Variants in PITPNM1 observed in about 807,000 individuals in gnomAD.
PITPNM1 encodes phosphatidylinositol transfer protein membrane associated 1, also known as membrane-associated phosphatidylinositol transfer protein 1.
Under a neutral mutation model 133.3 loss-of-function variants are expected in PITPNM1, and 74 were observed. The ratio of observed to expected loss-of-function variants is 0.56; its 90% CI spans 0.46 to 0.67. PITPNM1 has a LOEUF of 0.67. Ranked by LOEUF, PITPNM1 falls within the 30% of genes least tolerant of loss-of-function variation. The pLI, the probability that PITPNM1 is intolerant of heterozygous loss-of-function variation, is 0.00. For synonymous variants in PITPNM1, 738 were observed against 741.4 expected (o/e 1.00, Z 0.08); for missense variants, 1,398 against 1,739.5 (o/e 0.80, Z 3.49).
chr11:67,497,216 G>T lies in PITPNM1; in HGVS notation c.2146+15C>A. On this transcript the variant is annotated intron_variant, in intron 14 of 23. Coordinates refer to ENST00000356404, the MANE Select transcript of PITPNM1 (RefSeq NM_004910.3). ...GACAGAGACTAGAGGCGCCCCCGCA[G>T]CCCCTAGGACTCACCCTCCAGGGCG... 6.3e-7 allele frequency: 1 copy of T among 1,575,932 alleles called. No homozygotes were observed. Among genetic ancestry groups the T allele is most frequent in the South Asian group, 1.1e-5 (1 of 87,858 alleles).
chr11:67,498,629 G>A lies in PITPNM1; in HGVS notation c.1451C>T (p.Pro484Leu), dbSNP rs1045721663. 2.5e-6 allele frequency: 4 copies of A among 1,598,794 alleles called. No individual in the cohort carries two copies. The African/African-American group carries it at 5.3e-5, about 21-fold the overall frequency. ...HVALRLVPCPPICAAAYALVS... is the reference protein window; with the variant it reads ...HVALRLVPCPLICAAAYALVS... ...AAGGGCATAGGCGGCGGCGCAGATG[G>A]GTGGACAGGGCACCAGTCGCAGCGC... The change falls in exon 10 of 24, where the codon CCC becomes CTC. Residue 484 changes from proline to leucine, a missense_variant. Transcript: ENST00000356404. This position sits in a 1 kb window ranked among gnomAD's most constrained non-coding sequence, Gnocchi z 5.7.
At position 67,496,167 on chromosome 11, in the gene PITPNM1, T is replaced by TG. The variant is rs751317836; in HGVS notation, c.2317+10dup. 7 of 1,504,814 alleles carry TG rather than the reference T, an allele frequency of 4.7e-6. No individual in the cohort carries two copies. The highest frequency in any genetic ancestry group is 2.6e-5 in the Admixed American group (1 of 38,768). 93.2% of individuals were successfully genotyped at this position (1,504,814 alleles called of 1,614,324 possible). A position where few individuals can be genotyped will look rare whatever the true frequency, so the allele number is the denominator to read the frequency against. ...TCCTCCTTCTCCCCTTTATCTTGTT[T>TG]GGGGGCGTACCCAGCAGCAGGGATG... On this transcript the variant is annotated intron_variant, in intron 15 of 23. Coordinates refer to ENST00000356404, the MANE Select transcript of PITPNM1 (RefSeq NM_004910.3).
chr11:67,499,855 T>C, intron 7 of PITPNM1, 25 bp from the exon 8 acceptor site: 2 of 1,590,598 alleles, frequency 1.3e-6, no homozygotes, highest in Middle Eastern at 1.7e-4. Context: ...GGCTGTGTCA[T>C]GGGGTGGGAG....
In PITPNM1 at chr11:67,499,076, C is replaced by T. The variant is rs1375207477; in HGVS notation, c.1172-75G>A. 12 of 1,441,812 alleles carry T rather than the reference C, an allele frequency of 8.3e-6. No homozygotes were observed. In the South Asian group the frequency reaches 1.6e-4, roughly 19 times the overall value. The allele number at this position is 1,441,812 out of a possible 1,614,324, so 89.3% of individuals were successfully genotyped here. On this transcript the variant is annotated intron_variant, in intron 8 of 23. Coordinates refer to ENST00000356404, the MANE Select transcript of PITPNM1 (RefSeq NM_004910.3). ...CCCTCATCTGGCACTTCAGGCACCC[C>T]AGTTCTGGCATCTGCCTGAGGCCCC...
chr11:67,504,786 G>C lies in PITPNM1; in HGVS notation c.-42+402C>G, dbSNP rs1565198373. The stretch of plus-strand genomic sequence containing the variant: ...CCAGGGTTCCCCACGCCCTGCACCC[G>C]AACCTACCTTCCGGGACCGGTAATC... On this transcript the variant is annotated intron_variant, in intron 1 of 23. Coordinates refer to ENST00000356404, the MANE Select transcript of PITPNM1 (RefSeq NM_004910.3). This position sits in a 1 kb window ranked among gnomAD's most constrained non-coding sequence, Gnocchi z 5.4. 1 of 152,952 alleles carries C rather than the reference G, an allele frequency of 6.5e-6. No homozygotes were observed. Among genetic ancestry groups the C allele is most frequent in the African/African-American group, 2.4e-5 (1 of 41,442 alleles). The allele number at this position is 152,952 out of a possible 1,614,324, so 9.5% of individuals were successfully genotyped here. A position where few individuals can be genotyped will look rare whatever the true frequency, so the allele number is the denominator to read the frequency against.
In PITPNM1 at chr11:67,498,013, A is replaced by T. The variant is rs754643400; in HGVS notation, c.1686T>A (p.Ile562=). 63 of 1,610,180 alleles carry T rather than the reference A, an allele frequency of 3.9e-5. No homozygotes were observed. Among genetic ancestry groups the T allele is most frequent in the Non-Finnish European group, 5.3e-5 (63 of 1,179,924 alleles). Residue 562 remains isoleucine, a synonymous_variant, in exon 12 of 24, where the codon ATT becomes ATA. Transcript: ENST00000356404. The surrounding 1 kb of genome is among the most constrained non-coding windows in gnomAD (Gnocchi z 5.7). ...CCAGGATGCCACCAACACCATCTCC[A>T]ATCAGTGCGACCTGGGTGGGAGCAG... ...GAGFCGQVAL[I]GDGVGGILGF... is the part of the protein sequence containing the mutation.
intron 18 of PITPNM1, 53 bp downstream of exon 18, chr11:67,494,793 T>TGAGTGTGCGA: frequency 3.0e-6 from 1 of 337,228 alleles, no homozygotes; most frequent in Non-Finnish European, 4.7e-6. Context: ...GCCTCTCTGG[T>TGAGTGTGCGA]GAGTGGGCGA....
In PITPNM1 at chr11:67,494,882, C is replaced by A; in HGVS notation, c.2706G>T (p.Glu902Asp). Reference protein sequence around the residue: ...PSIYSPAFPREKWQRKRTQVK... With the variant: ...PSIYSPAFPRDKWQRKRTQVK... ...CCTGCGTGCGTTTTCGCTGCCACTT[C>A]TCCCTGGGGAAGGCCGGGCTGTAGA... Residue 902 changes from glutamate to aspartate, a missense_variant, in exon 18 of 24, where the codon GAG (glutamate) becomes GAT (aspartate). Glu to Asp is a conservative substitution (Grantham distance 45, BLOSUM62 2). Coordinates refer to ENST00000356404, the MANE Select transcript of PITPNM1 (RefSeq NM_004910.3). 6.2e-7 allele frequency: 1 copy of A among 1,613,000 alleles called. No individual in the cohort carries two copies. The highest frequency in any genetic ancestry group is 8.5e-7 in the Non-Finnish European group (1 of 1,179,834).
chr11:67,495,505 G>A lies in PITPNM1; in HGVS notation c.2415C>T (p.Gly805=), dbSNP rs1452339939. The change falls in exon 16 of 24, where the codon GGC becomes GGT. Residue 805 remains glycine, a synonymous_variant. Coordinates refer to ENST00000356404, the MANE Select transcript of PITPNM1 (RefSeq NM_004910.3). The part of the protein sequence containing the change: ...PTSTSGAFWK[G]SELATDPPAQ... Reference sequence around the variant, plus strand: ...CCGGGGGGTCAGTGGCCAACTCACTGCCCTTCCAGAAGGCACCGCTAGTAG... The same window carrying A: ...CCGGGGGGTCAGTGGCCAACTCACTACCCTTCCAGAAGGCACCGCTAGTAG... 2 of 1,579,460 alleles carry A rather than the reference G, an allele frequency of 1.3e-6. No homozygotes were observed. The highest frequency in any genetic ancestry group is 1.7e-6 in the Non-Finnish European group (2 of 1,165,320).
At position 67,498,477 on chromosome 11, in the gene PITPNM1, A is replaced by C; in HGVS notation, c.1484+119T>G. On this transcript the variant is annotated intron_variant, in intron 10 of 23. Transcript: ENST00000356404. The surrounding 1 kb of genome is among the most constrained non-coding windows in gnomAD (Gnocchi z 5.7). ...CTGAAATGGAGCCATTCTCCAGAACAGGTCCAGCCATGCCAGTGACCGACC... is the reference window on the plus strand; with the variant it reads ...CTGAAATGGAGCCATTCTCCAGAACCGGTCCAGCCATGCCAGTGACCGACC... 1 of 1,467,384 alleles carries C rather than the reference A, an allele frequency of 6.8e-7. No individual in the cohort carries two copies. Among genetic ancestry groups the C allele is most frequent in the South Asian group, 1.3e-5 (1 of 78,660 alleles). The allele number at this position is 1,467,384 out of a possible 1,614,324, so 90.9% of individuals were successfully genotyped here.
chr11:67,501,810 T>G, intron 5 of PITPNM1, 52 bp downstream of exon 5: 2 of 1,480,470 alleles, frequency 1.4e-6, no homozygotes, highest in Non-Finnish European at 1.9e-6. Context: ...GCCCTAAACA[T>G]GGGGTCTGGG....
rs1344596934 is a variant in PITPNM1, at chr11:67,492,928, C to T, written c.3471+6G>A. 3 of 1,610,944 alleles carry T rather than the reference C, an allele frequency of 1.9e-6. No homozygotes were observed. The highest frequency in any genetic ancestry group is 1.3e-5 in the African/African-American group (1 of 74,924). On this transcript the variant is annotated splice_donor_region_variant and intron_variant, in intron 23 of 23. Transcript: ENST00000356404. Reference sequence around the variant, plus strand: ...GTCCTGTTCCTGGCCTTCACTTGGGCCTCACCTGGCACTGCGCCTGTAGCT... The same window carrying T: ...GTCCTGTTCCTGGCCTTCACTTGGGTCTCACCTGGCACTGCGCCTGTAGCT...
chr11:67,496,230 G>C lies in PITPNM1; in HGVS notation c.2265C>G (p.Thr755=), dbSNP rs142787347. The C allele has an allele frequency of 1.9e-6, 3 of 1,553,818 alleles. No individual in the cohort carries two copies. The highest frequency in any genetic ancestry group is 2.6e-6 in the Non-Finnish European group (3 of 1,156,556). Residue 755 remains threonine (T), a synonymous_variant, in exon 15 of 24, where the codon ACC becomes ACG. Transcript: ENST00000356404. ...GGGGGAACTTCTGGTAGCGGGGCAC[G>C]GTCAGTGGGGCGATGGCCTGGAACT... The part of the protein sequence containing the change: ...APKFQAIAPL[T]VPRYQKFPLG...
In PITPNM1 at chr11:67,496,214, T is replaced by G. The variant is rs200968397; in HGVS notation, c.2281A>C (p.Lys761Gln). ...IAPLTVPRYQ[K>Q]FPLGDGSSLL... is the part of the protein sequence containing the mutation. ...GATGAGCCATCTCCCAGGGGGAACT[T>G]CTGGTAGCGGGGCACGGTCAGTGGG... is the stretch of plus-strand genomic sequence containing the variant. The change falls in exon 15 of 24, where the codon AAG becomes CAG. Residue 761 changes from lysine to glutamine, a missense_variant. Lys to Gln is a moderately conservative substitution (Grantham distance 53, BLOSUM62 1). Around this residue, in one of 5 missense-constraint regions of PITPNM1, gnomAD observed 574 missense variants for 698.7 expected, o/e 0.82. Coordinates refer to ENST00000356404, the MANE Select transcript of PITPNM1 (RefSeq NM_004910.3). 1.4e-4 allele frequency: 216 copies of G among 1,546,598 alleles called. 1 individual carries two copies. The Admixed American group carries it at 4.1e-3, about 30-fold the overall frequency.
chr11:67,498,910 C>G lies in PITPNM1; in HGVS notation c.1233+30G>C, dbSNP rs887091334. The G allele has an allele frequency of 2.5e-6, 4 of 1,611,710 alleles. No individual in the cohort carries two copies. On this transcript the variant is annotated intron_variant, in intron 9 of 23. Transcript: ENST00000356404. The surrounding 1 kb of genome is among the most constrained non-coding windows in gnomAD (Gnocchi z 5.7). ...TGGCCGGGCCAGTGAGTAGGGGGAG[C>G]TTTGACATGGGGTGGCTGACCATAC...
In PITPNM1 at chr11:67,495,482, G is replaced by C. The variant is rs151074608; in HGVS notation, c.2438C>G (p.Pro813Arg). ...GGTGCTGGGGGCGGCTGGCTGGGCC[G>C]GGGGGTCAGTGGCCAACTCACTGCC... ...WKGSELATDP[P>R]AQPAAPSTTS... Residue 813 changes from proline to arginine, a missense_variant, in exon 16 of 24, where the codon CCG (proline) becomes CGG (arginine). Transcript: ENST00000356404. 494 of 1,557,672 alleles carry C rather than the reference G, an allele frequency of 3.2e-4. 2 individuals carry two copies. The South Asian group carries it at 4.1e-3, about 13-fold the overall frequency.
chr11:67,492,883 G>C (rs1444742786), intron 23 of PITPNM1, 51 bp downstream of exon 23: 5 of 1,585,612 alleles, frequency 3.2e-6, no homozygotes, highest in Non-Finnish European at 2.6e-6. Context: ...CTGGGACTGA[G>C]GGCCCTGCCC....
At position 67,502,757 on chromosome 11, in the gene PITPNM1, C is replaced by T. The variant is rs1368955561; in HGVS notation, c.79-39G>A. The T allele has an allele frequency of 5.7e-6, 9 of 1,588,786 alleles. No individual in the cohort carries two copies. The highest frequency in any genetic ancestry group is 5.4e-5 in the African/African-American group (4 of 74,484). ...GAGAGCAGGACAGGGAGCTCAGCCC[C>T]AGCTTAGCATCTGGGATCCCCAGCT... is the stretch of plus-strand genomic sequence containing the variant. On this transcript the variant is annotated intron_variant, in intron 2 of 23. Coordinates refer to ENST00000356404, the MANE Select transcript of PITPNM1 (RefSeq NM_004910.3). The surrounding 1 kb of genome is among the most constrained non-coding windows in gnomAD (Gnocchi z 5.9).
At chr11:67,493,284 CG>C in intron 22 of PITPNM1, 125 bp downstream of exon 22, 1 of 1,155,510 alleles carries the variant, frequency 8.7e-7, no homozygotes, top group Non-Finnish European at 1.2e-6. Flanking sequence ...CGTAGCGGGC[CG>C]CTGCAGTCAG....
Sources: allele counts gnomAD v4.1 joint callset, GRCh38; gene constraint gnomAD v4.1.1; regional missense constraint gnomAD v4.1.1; non-coding constraint Gnocchi (gnomAD v3.1); transcripts MANE v1.5; gene names NCBI Gene and HGNC (gene_info 2026-07-23, HGNC 2026-07-21).